EPB41L4A: variants seen among roughly 807,000 people sequenced by gnomAD.
The protein encoded by EPB41L4A is band 4.1-like protein 4A.
Under a neutral mutation model 108.6 loss-of-function variants are expected in EPB41L4A, and 100 were observed. The ratio of observed to expected loss-of-function variants is 0.92; its 90% confidence interval spans 0.78 to 1.09. EPB41L4A has a LOEUF of 1.09. EPB41L4A is among the 50% of genes least tolerant of loss of function. The pLI is 0.00. For missense variants in EPB41L4A, 1,030 were observed against 842.7 expected, an observed-to-expected ratio of 1.22 and a Z score of -2.75; for synonymous variants, 319 against 289.0, an observed-to-expected ratio of 1.10 and a Z score of -1.05.
Position 112,367,353 on chromosome 5 carries a change from C to T in EPB41L4A, c.99+51588G>A, listed in dbSNP as rs545674991. The stretch of plus-strand genomic sequence containing the variant: ...TCTTCAAATAAGTTATCTTAAGAGC[C>T]GATGCAACCTCTTGTCTCCAAGACC... On this transcript the variant is annotated intron_variant, in intron 1 of 22. Coordinates refer to ENST00000261486, the MANE Select transcript of EPB41L4A (RefSeq NM_022140.5). 7.9e-5 allele frequency among the ~76,000 whole-genome samples: 12 copies of T among 152,268 alleles called. 1 individual carries two copies. The highest frequency in any genetic ancestry group is 2.4e-4 in the African/African-American group (10 of 41,550).
At chr5:112,203,984 A>G (rs1762343835) in intron 15 of EPB41L4A, among the ~76,000 whole-genome samples, 1 of 151,960 alleles carries the variant, frequency 6.6e-6, no homozygotes, top group Non-Finnish European at 1.5e-5. Flanking sequence ...GGTTGCAGTG[A>G]GCTGAGATCG....
intron 2 of EPB41L4A, among the ~76,000 whole-genome samples, chr5:112,280,595 C>T (rs184983484): frequency 6.6e-6 from 1 of 152,006 alleles, no homozygotes; most frequent in African/African-American, 2.4e-5. Context: ...TTTAAGACCA[C>T]CCTGGCCAAT....
chr5:112,201,001 A>G (rs1762193093), intron 15 of EPB41L4A, among the ~76,000 whole-genome samples: 1 of 152,254 alleles, frequency 6.6e-6, no homozygotes, highest in African/African-American at 2.4e-5. Flanking sequence ...AGATTCTTCC[A>G]TGCTGATGAC....
chr5:112,295,618 G>C (rs1753939518), intron 2 of EPB41L4A, among the ~76,000 whole-genome samples: 1 of 152,160 alleles, frequency 6.6e-6, no homozygotes, highest in African/African-American at 2.4e-5. Context: ...GAGAAGCATA[G>C]GAAGACTTTA....
intron 1 of EPB41L4A, among the ~76,000 whole-genome samples, chr5:112,398,822 C>T (rs1195480014): frequency 1.3e-5 from 2 of 151,784 alleles, no homozygotes; most frequent in Non-Finnish European, 2.9e-5. Flanking sequence ...AGTTCATAGG[C>T]TCTGAGTGAA....
intron 1 of EPB41L4A, among the ~76,000 whole-genome samples, chr5:112,333,650 T>A (rs1379004169): frequency 1.3e-5 from 2 of 152,196 alleles, no homozygotes; most frequent in Non-Finnish European, 2.9e-5. Flanking sequence ...ACACACCGTA[T>A]GAGTTGCAGT....
At chr5:112,382,267 A>G (rs1760221971) in intron 1 of EPB41L4A, among the ~76,000 whole-genome samples, 1 of 152,182 alleles carries the variant, frequency 6.6e-6, no homozygotes, top group Non-Finnish European at 1.5e-5. Flanking sequence ...CATCATTCGA[A>G]AGTTCTAACC....
chr5:112,377,303 T>C (rs1759883986), intron 1 of EPB41L4A, among the ~76,000 whole-genome samples: 1 of 152,136 alleles, frequency 6.6e-6, no homozygotes, highest in Non-Finnish European at 1.5e-5. Context: ...AATATCCTAC[T>C]TGTGATAGTA....
intron 9 of EPB41L4A, 54 bp from the exon 10 acceptor site, chr5:112,240,864 A>G: frequency 9.0e-7 from 1 of 1,105,032 alleles, no homozygotes; most frequent in South Asian, 1.5e-5. Flanking sequence ...GGAAGATAGC[A>G]TTCTTCAAAT....
At chr5:112,236,473 A>G (rs1749339300) in intron 11 of EPB41L4A, among the ~76,000 whole-genome samples, 1 of 152,212 alleles carries the variant, frequency 6.6e-6, no homozygotes, top group Non-Finnish European at 1.5e-5. Context: ...TTCCTCATTT[A>G]TATTTCTACT....
downstream of EPB41L4A, chr5:112,162,367 A>G (rs566460960): frequency 4.2e-4 from 64 of 152,338 alleles, no homozygotes; most frequent in African/African-American, 1.4e-3. Flanking sequence ...AAAAAGTTAT[A>G]AGGGAGGAGG....
intron 1 of EPB41L4A, among the ~76,000 whole-genome samples, chr5:112,387,926 T>C (rs565548251): frequency 6.6e-6 from 1 of 152,302 alleles, no homozygotes; most frequent in East Asian, 1.9e-4. Context: ...AATGTAAAAG[T>C]TACCCACCAA....
chr5:112,259,278 T>C lies in EPB41L4A; in HGVS notation c.746A>G (p.Lys249Arg), dbSNP rs1331739763. Reference protein sequence around the residue: ...VGKYFWPRITKVHFKETQFEL... With the variant: ...VGKYFWPRITRVHFKETQFEL... ...AAATTGAGTCTCCTTGAAGTGAACC[T>C]TTGTAATCCGAGGCCTAAAAAACAA... Residue 249 changes from lysine (K) to arginine (R), a missense_variant, in exon 9 of 23, where the codon AAG becomes AGG. Coordinates refer to ENST00000261486, the MANE Select transcript of EPB41L4A (RefSeq NM_022140.5). 1.1e-5 allele frequency: 18 copies of C among 1,613,980 alleles called. No individual in the cohort carries two copies. The highest frequency in any genetic ancestry group is 1.4e-5 in the Non-Finnish European group (17 of 1,179,834).
intron 2 of EPB41L4A, among the ~76,000 whole-genome samples, chr5:112,289,694 C>T (rs1472447883): frequency 6.6e-6 from 1 of 152,206 alleles, no homozygotes; most frequent in Non-Finnish European, 1.5e-5. Flanking sequence ...CCAGCCAATG[C>T]CAACATCAAC....
intron 1 of EPB41L4A, among the ~76,000 whole-genome samples, chr5:112,403,516 C>CA (rs879807266): frequency 6.6e-6 from 1 of 152,192 alleles, no homozygotes; most frequent in Non-Finnish European, 1.5e-5. Context: ...CTCACTCTGT[C>CA]ACCCAGCCTG....
intron 12 of EPB41L4A, among the ~76,000 whole-genome samples, chr5:112,228,033 C>T (rs1031606868): frequency 6.6e-6 from 1 of 152,090 alleles, no homozygotes; most frequent in Non-Finnish European, 1.5e-5. Flanking sequence ...CAAACATAGT[C>T]GTGATTGCTG....
intron 17 of EPB41L4A, 99 bp from the exon 18 acceptor site, chr5:112,184,234 AT>A: frequency 7.2e-7 from 1 of 1,393,088 alleles, no homozygotes; most frequent in Non-Finnish European, 9.8e-7. Flanking sequence ...AGCAGCAGAA[AT>A]TTTATTATGA....
At chr5:112,407,426 T>C (rs1419884262) in intron 1 of EPB41L4A, among the ~76,000 whole-genome samples, 1 of 152,070 alleles carries the variant, frequency 6.6e-6, no homozygotes, top group African/African-American at 2.4e-5. Flanking sequence ...AAGTTCAAGG[T>C]TGAAAGGAAG....
chr5:112,181,752 G>A (rs902793941), intron 18 of EPB41L4A, among the ~76,000 whole-genome samples: 1 of 152,074 alleles, frequency 6.6e-6, no homozygotes, highest in African/African-American at 2.4e-5. Context: ...TATGAAGTTC[G>A]ACAAGAGAGA....
Sources: allele counts gnomAD v4.1 joint callset (sites outside exome capture counted in the v4.1 genomes callset), GRCh38; gene constraint gnomAD v4.1.1; transcripts MANE v1.5; gene names NCBI Gene and HGNC (gene_info 2026-07-23, HGNC 2026-07-21).